ZNF185: variants seen among roughly 807,000 people sequenced by gnomAD.
ZNF185 encodes the protein zinc finger protein 185 with LIM domain.
Under a neutral mutation model 58.6 loss-of-function variants are expected in ZNF185, and 56 were observed. That is an observed-to-expected ratio of 0.95 (90% CI 0.77 to 1.19). ZNF185 has a LOEUF of 1.19. ZNF185 is among the 50% of genes most tolerant of loss of function. The pLI is 0.00. For synonymous variants in ZNF185, 230 were observed against 215.9 expected, an observed-to-expected ratio of 1.07 and a Z score of -0.57; for missense variants, 627 against 573.5, an observed-to-expected ratio of 1.09 and a Z score of -0.95.
At chrX:152,913,511 G>C (rs988438052), upstream of ZNF185, among the ~76,000 whole-genome samples, 58 of 112,733 alleles carry the variant, frequency 5.1e-4, no homozygotes, top group African/African-American at 1.9e-3. Flanking sequence ...GAGCAGCACC[G>C]GGCTCAGGGG....
At chrX:152,962,811 C>T (rs1025837220) in intron 17 of ZNF185, among the ~76,000 whole-genome samples, 9 of 112,507 alleles carry the variant, frequency 8.0e-5, no homozygotes, top group Admixed American at 2.8e-4. Flanking sequence ...GCTTGAGTGG[C>T]ACGTGATACA....
At chrX:152,938,988 G>C (rs1380039781) in intron 15 of ZNF185, among the ~76,000 whole-genome samples, 1 of 109,291 alleles carries the variant, frequency 9.1e-6, no homozygotes, top group Non-Finnish European at 1.9e-5. Context: ...TAACCCTGAG[G>C]TGGGAACATG....
intron 18 of ZNF185, among the ~76,000 whole-genome samples, chrX:152,964,435 C>T (rs1556912958): frequency 8.9e-6 from 1 of 112,380 alleles, no homozygotes; most frequent in African/African-American, 3.2e-5. Flanking sequence ...ATGGTGGAAG[C>T]CGAAGTGGGA....
intron 14 of ZNF185, among the ~76,000 whole-genome samples, chrX:152,937,396 C>T (rs1373599625): frequency 8.9e-6 from 1 of 111,941 alleles, no homozygotes; most frequent in African/African-American, 3.3e-5. Context: ...GTGGCCAGCT[C>T]TCCCTTGCCT....
At chrX:152,910,578 C>T (rs1291047580), upstream of ZNF185, among the ~76,000 whole-genome samples, 2 of 112,080 alleles carry the variant, frequency 1.8e-5, no homozygotes, top group Non-Finnish European at 3.8e-5. Flanking sequence ...GGATAGATTA[C>T]AATATGTTTA....
At chrX:152,964,077 G>C in intron 18 of ZNF185, 128 bp downstream of exon 20, 1 of 590,342 alleles carries the variant, frequency 1.7e-6, no homozygotes, top group Non-Finnish European at 2.8e-6. Context: ...CAGGCCATTA[G>C]CCAAGGGGCC....
chrX:152,940,195 G>A (rs1262863270), intron 15 of ZNF185, among the ~76,000 whole-genome samples: 20 of 111,024 alleles, frequency 1.8e-4, no homozygotes, highest in Admixed American at 1.5e-3. Flanking sequence ...TAAAATATTT[G>A]AAGAAATTCT....
At chrX:152,969,957 A>G (rs1442149575) in intron 21 of ZNF185, among the ~76,000 whole-genome samples, 4 of 111,854 alleles carry the variant, frequency 3.6e-5, no homozygotes, top group South Asian at 3.8e-4. Context: ...GTTGGTTCCA[A>G]TCCATTTAGG....
chrX:152,941,658 C>T, intron 15 of ZNF185: 1 of 1,158,764 alleles, frequency 8.6e-7, no homozygotes, highest in Non-Finnish European at 1.2e-6. Flanking sequence ...CTTGAAGCCC[C>T]GAACTCGGTC....
chrX:152,919,025 C>CGAG (rs781814997), exon 7 of ZNF185: 62 of 1,202,747 alleles, frequency 5.2e-5, no homozygotes, highest in South Asian at 1.4e-4. Context: ...CAGGGGACAC[C>CGAG]GAGGAGGAGG....
upstream of ZNF185, chrX:152,914,315 C>A: frequency 2.2e-6 from 1 of 456,581 alleles, no homozygotes; most frequent in Non-Finnish European, 3.7e-6. Flanking sequence ...ACTTAGCACT[C>A]CACCAACGCT....
exon 2 of ZNF185, chrX:152,914,826 C>G: frequency 8.4e-7 from 1 of 1,183,469 alleles, no homozygotes; most frequent in Admixed American, 2.4e-5. Context: ...ATCGGAGGGT[C>G]GCACCATGTA....
At chrX:152,961,366 C>G in intron 17 of ZNF185, among the ~76,000 whole-genome samples, 1 of 112,359 alleles carries the variant, frequency 8.9e-6, no homozygotes, top group Non-Finnish European at 1.9e-5. Context: ...TCAAACCTAA[C>G]ACATGGGATG....
upstream of ZNF185, among the ~76,000 whole-genome samples, chrX:152,910,342 A>C (rs1936990460): frequency 8.9e-6 from 1 of 112,440 alleles, no homozygotes; most frequent in South Asian, 3.6e-4. Context: ...TTAGAAATAC[A>C]CAAAGGAGCA....
exon 2 of ZNF185, chrX:152,914,813 T>A: frequency 8.4e-7 from 1 of 1,185,399 alleles, no homozygotes; most frequent in Non-Finnish European, 1.1e-6. Flanking sequence ...CCAAGCAGGA[T>A]GAATCGGAGG....
rs1941322644 is a variant in ZNF185 at position 152,928,563 on chromosome X, T to C, written c.831-12T>C. The C allele has an allele frequency of 8.3e-7, 1 of 1,211,252 alleles. No individual in the cohort carries two copies. The highest frequency in any genetic ancestry group is 1.1e-6 in the Non-Finnish European group (1 of 895,061). On this transcript the variant is annotated splice_polypyrimidine_tract_variant and intron_variant, in intron 11 of 22. Transcript: ENST00000449285. ...CACCTGCAACCCACTGGGTCTCTCC[T>C]TTGGCCCGCAGCTCAAGAGGTGAGG...
rs143532916 is a variant in ZNF185, at chrX:152,928,430, G to C, written c.831-145G>C. 1,094 of 575,197 alleles carry C rather than the reference G, an allele frequency of 1.9e-3. 6 individuals are homozygous for C. The African/African-American group carries it at 0.022, about 12-fold the overall frequency. The allele number at this position is 575,197 out of a possible 1,213,427, so 47.4% of individuals were successfully genotyped here. On this transcript the variant is annotated intron_variant, in intron 11 of 22. Coordinates refer to ENST00000449285, the Ensembl canonical transcript of ZNF185. ...GGTCAGTGGCCCGAGCTCAGCTGCA[G>C]CACCAACAAGGCTCAAGGCCAAGGA...
chrX:152,959,153 C>A (rs57088177), intron 16 of ZNF185, among the ~76,000 whole-genome samples: 19 of 112,550 alleles, frequency 1.7e-4, no homozygotes, highest in Middle Eastern at 4.6e-3. Flanking sequence ...GCCCTTCCCC[C>A]CTTTGTGGGG....
the ZNF185 span, among the ~76,000 whole-genome samples, chrX:152,904,623 C>T: frequency 4.4e-5 from 5 of 112,582 alleles, no homozygotes; most frequent in Non-Finnish European, 5.6e-5. Context: ...CAGCCAAGTG[C>T]GTGCCTTGAG....
Sources: allele counts gnomAD v4.1 joint callset (sites outside exome capture counted in the v4.1 genomes callset), GRCh38; gene constraint gnomAD v4.1.1; transcripts MANE v1.5; gene names NCBI Gene and HGNC (gene_info 2026-07-23, HGNC 2026-07-21).